CCDC85A: variants seen among roughly 807,000 people sequenced by gnomAD.
CCDC85A encodes coiled-coil domain-containing protein 85A.
In CCDC85A, 38 loss-of-function variants were observed where a neutral mutation model predicts 50.2. That is an observed-to-expected ratio of 0.76 (90% confidence interval 0.58 to 0.99). The LOEUF is 0.99. Among genes scored for constraint, CCDC85A ranks in the 50% least tolerant of loss-of-function variants. CCDC85A has a pLI of 0.00. For synonymous variants in CCDC85A, 366 were observed against 301.4 expected (o/e 1.21, Z -2.22); for missense variants, 820 against 742.0 (o/e 1.11, Z -1.22).
At position 56,385,833 on chromosome 2, in the gene CCDC85A, A is replaced by G. The variant is rs187963360; in HGVS notation, c.*1478A>G. 4.6e-5 allele frequency: 7 copies of G among 151,856 alleles called. No homozygotes were observed. The highest frequency in any genetic ancestry group is 4.6e-4 in the Admixed American group (7 of 15,202). The allele number at this position is 151,856 out of a possible 1,614,324, so 9.4% of individuals were successfully genotyped here. ...TTACTATAGAATTATCTCTCTAATT[A>G]TCATAATTGGGTTACAATTTAAGCT... On this transcript the variant is annotated 3_prime_UTR_variant, in exon 6 of 6. Transcript: ENST00000407595.
chr2:56,298,016 A>G (rs936918198), intron 2 of CCDC85A, among the ~76,000 whole-genome samples: 5 of 152,180 alleles, frequency 3.3e-5, no homozygotes, highest in African/African-American at 1.2e-4. Context: ...GCCATCCCAC[A>G]CAGACTGCAG....
At chr2:56,285,442 TTAA>T (rs1368114827) in intron 2 of CCDC85A, among the ~76,000 whole-genome samples, 1 of 143,342 alleles carries the variant, frequency 7.0e-6, no homozygotes, top group Non-Finnish European at 1.5e-5. Context: ...ATTAATTATA[TTAA>T]TAATATAATT....
intron 2 of CCDC85A, among the ~76,000 whole-genome samples, chr2:56,241,037 A>G (rs904256461): frequency 1.3e-5 from 2 of 152,168 alleles, no homozygotes; most frequent in African/African-American, 2.4e-5. Flanking sequence ...AGCATTTGCT[A>G]TTGTCTGTCT....
intron 3 of CCDC85A, 114 bp downstream of exon 3, chr2:56,343,069 T>A (rs1176413872): frequency 5.8e-6 from 4 of 688,420 alleles, no homozygotes; most frequent in Non-Finnish European, 9.9e-6. Context: ...AATCATTTTG[T>A]AAATAGCCAT....
chr2:56,365,383 G>A (rs1675739806), intron 3 of CCDC85A, among the ~76,000 whole-genome samples: 1 of 152,172 alleles, frequency 6.6e-6, no homozygotes. Flanking sequence ...TTAATCTGGT[G>A]TGTAGCAGTT....
intron 3 of CCDC85A, among the ~76,000 whole-genome samples, chr2:56,360,412 C>G (rs1675466076): frequency 6.6e-6 from 1 of 152,198 alleles, no homozygotes; most frequent in Non-Finnish European, 1.5e-5. Flanking sequence ...TTATTTCTCT[C>G]TTGAGTTAGC....
chr2:56,384,358 T>A lies in CCDC85A; in HGVS notation c.*3T>A. 1.2e-6 allele frequency: 2 copies of A among 1,609,284 alleles called. No homozygotes were observed. Among genetic ancestry groups the A allele is most frequent in the Middle Eastern group, 1.7e-4 (1 of 6,044 alleles). ...ACCAGTACAAAGGACCAATGTGAGATGCACTCTTTTTCAAACAGGAGATCA... is the reference window on the plus strand; with the variant it reads ...ACCAGTACAAAGGACCAATGTGAGAAGCACTCTTTTTCAAACAGGAGATCA... On this transcript the variant is annotated 3_prime_UTR_variant, in exon 6 of 6. Coordinates refer to ENST00000407595, the MANE Select transcript of CCDC85A (RefSeq NM_001080433.2).
At chr2:56,222,823 C>A (rs1668383338) in intron 2 of CCDC85A, among the ~76,000 whole-genome samples, 1 of 152,046 alleles carries the variant, frequency 6.6e-6, no homozygotes, top group African/African-American at 2.4e-5. Flanking sequence ...GTAGGAGGTT[C>A]AGTAATTATT....
At chr2:56,352,572 C>T (rs551545520) in intron 3 of CCDC85A, among the ~76,000 whole-genome samples, 227 of 152,306 alleles carry the variant, frequency 1.5e-3, no homozygotes, top group Non-Finnish European at 2.5e-3. Context: ...TCTCAAACTC[C>T]TGGCCTCAAG....
chr2:56,200,914 T>C (rs1463043534), intron 2 of CCDC85A, among the ~76,000 whole-genome samples: 3 of 152,044 alleles, frequency 2.0e-5, no homozygotes, highest in Non-Finnish European at 4.4e-5. Flanking sequence ...TAAATGAAAC[T>C]TCAGGAATTA....
At chr2:56,372,211 A>G (rs1676107410) in intron 3 of CCDC85A, 133 bp from the exon 4 acceptor site, 1 of 773,098 alleles carries the variant, frequency 1.3e-6, no homozygotes. Flanking sequence ...TTCCCTAGCT[A>G]CAGGTGCATG....
At chr2:56,281,801 A>AT (rs1010073385) in intron 2 of CCDC85A, among the ~76,000 whole-genome samples, 2 of 152,144 alleles carry the variant, frequency 1.3e-5, no homozygotes, top group Non-Finnish European at 2.9e-5. Context: ...GTAATCAAGT[A>AT]TTTTTTCAAA....
rs1463664879 is a variant in CCDC85A, at chr2:56,384,635, G to A, written c.*280G>A. On this transcript the variant is annotated 3_prime_UTR_variant, in exon 6 of 6. Coordinates refer to ENST00000407595, the MANE Select transcript of CCDC85A (RefSeq NM_001080433.2). The stretch of plus-strand genomic sequence containing the variant: ...TGAAAATCAACATTTTGGTACCAGT[G>A]TTTTCATTAGAAATAAGTGTTTTTA... 3.2e-6 allele frequency: 1 copy of A among 308,566 alleles called. No homozygotes were observed. The highest frequency in any genetic ancestry group is 6.1e-6 in the Non-Finnish European group (1 of 162,716). 19.1% of individuals were successfully genotyped at this position (308,566 alleles called of 1,614,324 possible).
intron 2 of CCDC85A, among the ~76,000 whole-genome samples, chr2:56,302,316 A>T (rs919595894): frequency 6.6e-6 from 1 of 152,190 alleles, no homozygotes; most frequent in Admixed American, 6.6e-5. Flanking sequence ...CTGCCTCATT[A>T]AAGTGAAAGA....
intron 3 of CCDC85A, among the ~76,000 whole-genome samples, chr2:56,345,262 T>C (rs1287943896): frequency 1.3e-5 from 2 of 152,220 alleles, no homozygotes; most frequent in African/African-American, 2.4e-5. Context: ...TAAGATGTTA[T>C]TGATGTGGGA....
chr2:56,356,083 A>G (rs1191019669), intron 3 of CCDC85A, among the ~76,000 whole-genome samples: 2 of 152,236 alleles, frequency 1.3e-5, no homozygotes, highest in African/African-American at 4.8e-5. Context: ...TAATATCTAT[A>G]ACTACAGAAA....
rs201581394 is a variant in CCDC85A, at chr2:56,266,585, C to CT, written c.1240+73145_1240+73146insT. Among the ~76,000 whole-genome samples, 5 of 133,576 alleles carry CT rather than the reference C, an allele frequency of 3.7e-5. 1 individual carries two copies. Among genetic ancestry groups the CT allele is most frequent in the African/African-American group, 1.1e-4 (4 of 37,166 alleles). 87.6% of individuals were successfully genotyped at this position (133,576 alleles called of 152,430 possible). A position where few individuals can be genotyped will look rare whatever the true frequency, so the allele number is the denominator to read the frequency against. On this transcript the variant is annotated intron_variant, in intron 2 of 5. Transcript: ENST00000407595. The stretch of plus-strand genomic sequence containing the variant: ...GTCAATTAACAATAACGCGCCCCCC[C>CT]CCCCCATAATCTTCTTCCTCCAAAA...
chr2:56,375,733 T>A, intron 4 of CCDC85A, 83 bp from the exon 5 acceptor site: 1 of 1,392,250 alleles, frequency 7.2e-7, no homozygotes, highest in South Asian at 1.2e-5. Context: ...TCTCATTTGG[T>A]AGTGAAATTG....
chr2:56,263,837 A>T (rs1573126692), intron 2 of CCDC85A, among the ~76,000 whole-genome samples: 1 of 152,104 alleles, frequency 6.6e-6, no homozygotes, highest in East Asian at 1.9e-4. Context: ...ACACTATAAC[A>T]CTGGGTTACC....
Sources: gnomAD v4.1 joint callset for allele counts (sites outside exome capture counted in the v4.1 genomes callset) on GRCh38, gnomAD v4.1.1 for gene constraint, MANE v1.5 for transcripts, NCBI Gene and HGNC (gene_info 2026-07-23, HGNC 2026-07-21) for gene names.